The following FBN1 variants were observed in gnomAD, a reference collection of about 807,000 sequenced individuals.
The protein encoded by FBN1 is fibrillin 1.
In FBN1, 29 loss-of-function variants were observed where a neutral mutation model predicts 365.1. That is an observed-to-expected ratio of 0.08 (90% CI 0.06 to 0.11). The LOEUF (loss-of-function observed/expected upper bound fraction) is 0.11. FBN1 is among the 10% of genes least tolerant of loss of function. The pLI is 1.00. For missense variants in FBN1, 2,476 were observed against 3,703.2 expected (o/e 0.67, Z 8.60); for synonymous variants, 1,210 against 1,270.5 (o/e 0.95, Z 1.01).
rs767602851 is a variant in FBN1 at position 48,421,993 on chromosome 15, T to C, written c.7529A>G (p.Lys2510Arg). 3.0e-5 allele frequency: 49 copies of C among 1,614,004 alleles called. No homozygotes were observed. Among genetic ancestry groups the C allele is most frequent in the South Asian group, 3.0e-4 (27 of 91,080 alleles). Residue 2510 changes from lysine to arginine, a missense_variant, in exon 61 of 66, where the codon AAA becomes AGA. Physicochemically the swap from Lys to Arg is conservative, Grantham distance 26. This residue lies in a region of FBN1 where 1,780 missense variants were observed against 2,840.8 expected (regional missense o/e 0.63). Coordinates refer to ENST00000316623, the MANE Select transcript of FBN1 (RefSeq NM_000138.5). ...CVNTIGGFTC[K>R]CPPGFTQHHT... ...GTGTTGGGTAAATCCGGGAGGACAT[T>C]TGCATGTGAAGCCGCCAATGGTGTT...
At position 48,485,368 on chromosome 15, in the gene FBN1, A is replaced by T. The variant is rs762447437; in HGVS notation, c.3712+6T>A. On this transcript the variant is annotated splice_donor_region_variant and intron_variant, in intron 30 of 65. Coordinates refer to ENST00000316623, the MANE Select transcript of FBN1 (RefSeq NM_000138.5). ...GAGATTCAACATGAGGCTAGAACCT[A>T]CTCACCGGTGCATGATCTCTGGTCA... The T allele has an allele frequency of 6.2e-7, 1 of 1,614,116 alleles. No homozygotes were observed. The highest frequency in any genetic ancestry group is 1.1e-5 in the South Asian group (1 of 91,074).
In FBN1 at chr15:48,492,529, G is replaced by C; in HGVS notation, c.2786C>G (p.Thr929Ser). 2 of 1,612,356 alleles carry C rather than the reference G, an allele frequency of 1.2e-6. No homozygotes were observed. The highest frequency in any genetic ancestry group is 8.5e-7 in the Non-Finnish European group (1 of 1,178,812). ...ACACTGACACTTGAATGACCCCCTA[G>C]TGTTAACACACAGGCCATTTTTACA... ...GVCKNGLCVN[T>S]RGSFKCQCPS... The change falls in exon 24 of 66, where the codon ACT becomes AGT. Residue 929 changes from threonine to serine, a missense_variant. Thr to Ser is a moderately conservative substitution (Grantham distance 58, BLOSUM62 1). Transcript: ENST00000316623.
chr15:48,565,500 A>G (rs188137885), intron 6 of FBN1, among the ~76,000 whole-genome samples: 2 of 152,272 alleles, frequency 1.3e-5, no homozygotes, highest in African/African-American at 4.8e-5. Flanking sequence ...TTAATTAAAA[A>G]CAAAAGGCCT....
intron 51 of FBN1, 88 bp from the exon 52 acceptor site, chr15:48,437,475 A>C: frequency 8.8e-7 from 1 of 1,138,796 alleles, no homozygotes; most frequent in Non-Finnish European, 1.3e-6. Flanking sequence ...AAATTGCTAC[A>C]TGCTGTGCAT....
intron 17 of FBN1, among the ~76,000 whole-genome samples, chr15:48,502,206 G>A (rs1321027280): frequency 1.3e-5 from 2 of 151,942 alleles, no homozygotes; most frequent in African/African-American, 2.4e-5. Context: ...TTGTTTGTTT[G>A]TTTGTTCGTT....
chr15:48,573,289 T>C lies in FBN1; in HGVS notation c.538+22994A>G, dbSNP rs2044319996. Among the ~76,000 whole-genome samples, 3 of 152,316 alleles carry C rather than the reference T, an allele frequency of 2.0e-5. No individual in the cohort carries two copies. The South Asian group carries it at 6.2e-4, about 32-fold the overall frequency. ...CCCAGAATACACAACACAGCTCAAA[T>C]TATACATTGGAACTTCATATCTATA... On this transcript the variant is annotated intron_variant, in intron 6 of 65. Coordinates refer to ENST00000316623, the MANE Select transcript of FBN1 (RefSeq NM_000138.5).
chr15:48,479,717 C>G (rs952544817), intron 32 of FBN1, among the ~76,000 whole-genome samples: 1 of 152,222 alleles, frequency 6.6e-6, no homozygotes, highest in Non-Finnish European at 1.5e-5. Flanking sequence ...CTTCATGCAA[C>G]TGTAGTGCAC....
At chr15:48,470,559 A>T in intron 36 of FBN1, 75 bp downstream of exon 36, 1 of 1,593,836 alleles carries the variant, frequency 6.3e-7, no homozygotes, top group Non-Finnish European at 8.6e-7. Flanking sequence ...GCCCTTGTGT[A>T]GTCCCAGGGA....
At position 48,515,235 on chromosome 15, in the gene FBN1, A is replaced by G; in HGVS notation, c.1468+152T>C. 3 of 801,236 alleles carry G rather than the reference A, an allele frequency of 3.7e-6. No individual in the cohort carries two copies. The South Asian group carries it at 5.0e-5, about 13-fold the overall frequency. 49.6% of individuals were successfully genotyped at this position (801,236 alleles called of 1,614,324 possible). On this transcript the variant is annotated intron_variant, in intron 12 of 65. Coordinates refer to ENST00000316623, the MANE Select transcript of FBN1 (RefSeq NM_000138.5). ...AGCCCAGTAAGACTTCTGTTGGACT[A>G]CTAACCTACAGAGCTGAAAGATAAT...
chr15:48,642,477 A>G (rs1340705608), intron 2 of FBN1: 1 of 152,232 alleles, frequency 6.6e-6, no homozygotes, highest in Non-Finnish European at 1.5e-5. Flanking sequence ...TATTGCATGT[A>G]CAATACATTC....
chr15:48,466,792 A>T (rs777587082), intron 38 of FBN1, among the ~76,000 whole-genome samples: 1 of 152,058 alleles, frequency 6.6e-6, no homozygotes, highest in Non-Finnish European at 1.5e-5. Flanking sequence ...ACACCAATGA[A>T]ATGAAAAGTC....
intron 60 of FBN1, among the ~76,000 whole-genome samples, chr15:48,423,523 T>A (rs1435544643): frequency 6.6e-6 from 1 of 152,222 alleles, no homozygotes; most frequent in African/African-American, 2.4e-5. Flanking sequence ...GGCTGGAGCA[T>A]CATGACACAT....
chr15:48,482,615 G>A (rs2043473894), intron 31 of FBN1, among the ~76,000 whole-genome samples: 1 of 152,172 alleles, frequency 6.6e-6, no homozygotes, highest in Non-Finnish European at 1.5e-5. Flanking sequence ...CATCCTGGAA[G>A]GCTGAGGTAG....
intron 46 of FBN1, among the ~76,000 whole-genome samples, chr15:48,447,264 C>A (rs1207702037): frequency 1.3e-5 from 2 of 152,086 alleles, no homozygotes; most frequent in Non-Finnish European, 2.9e-5. Flanking sequence ...CTGGCATTAC[C>A]CCACAATCAG....
chr15:48,481,046 A>C (rs1307521884), intron 32 of FBN1, among the ~76,000 whole-genome samples: 1 of 152,184 alleles, frequency 6.6e-6, no homozygotes, highest in Non-Finnish European at 1.5e-5. Context: ...GTCTCCTACA[A>C]ATATTGTGAA....
chr15:48,462,276 T>C (rs1355305766), intron 42 of FBN1, among the ~76,000 whole-genome samples: 1 of 152,190 alleles, frequency 6.6e-6, no homozygotes, highest in Non-Finnish European at 1.5e-5. Context: ...ATCATATACA[T>C]AATGCACAGC....
chr15:48,470,732 T>C lies in FBN1; in HGVS notation c.4361A>G (p.Asn1454Ser), dbSNP rs1555397415. The part of the protein sequence containing the change: ...CEDIDECSLP[N>S]ICVFGTCHNL... ...GTGGCAAGTTCCAAAGACACAGATG[T>C]TCGGAAGGGAGCACTCATCAATATC... is the stretch of plus-strand genomic sequence containing the variant. The change falls in exon 36 of 66, where the codon AAC (asparagine) becomes AGC (serine). Residue 1454 changes from asparagine to serine, a missense_variant. Asn to Ser is a conservative substitution (Grantham distance 46). Around this residue, in one of 5 missense-constraint regions of FBN1, gnomAD observed 1,780 missense variants for 2,840.8 expected, o/e 0.63. Coordinates refer to ENST00000316623, the MANE Select transcript of FBN1 (RefSeq NM_000138.5). 2 of 1,613,900 alleles carry C rather than the reference T, an allele frequency of 1.2e-6. No individual in the cohort carries two copies. Among genetic ancestry groups the C allele is most frequent in the African/African-American group, 1.3e-5 (1 of 74,980 alleles).
chr15:48,471,176 T>C (rs2043372476), intron 35 of FBN1, among the ~76,000 whole-genome samples: 1 of 152,162 alleles, frequency 6.6e-6, no homozygotes, highest in African/African-American at 2.4e-5. Context: ...TCATAATTAG[T>C]TGCATAATCT....
intron 6 of FBN1, among the ~76,000 whole-genome samples, chr15:48,539,959 G>A (rs904180681): frequency 1.3e-5 from 2 of 152,144 alleles, no homozygotes; most frequent in Admixed American, 1.3e-4. Flanking sequence ...ATATAAACAA[G>A]TATTAAATAC....
Sources: gnomAD v4.1 joint callset for allele counts (sites outside exome capture counted in the v4.1 genomes callset) on GRCh38, gnomAD v4.1.1 for gene constraint, gnomAD v4.1.1 regional missense constraint, MANE v1.5 for transcripts, NCBI Gene and HGNC (gene_info 2026-07-23, HGNC 2026-07-21) for gene names.